The following CCDC91 variants were observed in gnomAD, a reference collection of about 807,000 sequenced individuals.
CCDC91 encodes the protein coiled-coil domain containing 91, also known as coiled-coil domain-containing protein 91.
A neutral mutation model predicts 63.2 loss-of-function variants in CCDC91; 48 were observed. The ratio of observed to expected loss-of-function variants is 0.76; its 90% CI spans 0.60 to 0.97. The LOEUF is 0.97. Ranked by LOEUF, CCDC91 falls within the 50% of genes least tolerant of loss-of-function variation. The probability of loss-of-function intolerance (pLI) is 0.00; values close to 1 mark genes in which losing one functional copy is unlikely to be tolerated. For missense variants in CCDC91, 500 were observed against 494.6 expected, an observed-to-expected ratio of 1.01 and a Z score of -0.10; for synonymous variants, 167 against 165.8, an observed-to-expected ratio of 1.01 and a Z score of -0.06.
Position 28,190,619 on chromosome 12 carries a change from C to T in CCDC91, c.-37C>T. 6.5e-6 allele frequency: 1 copy of T among 154,998 alleles called. No individual in the cohort carries two copies. The highest frequency in any genetic ancestry group is 1.4e-5 in the Non-Finnish European group (1 of 70,274). The allele number at this position is 154,998 out of a possible 1,614,324, so 9.6% of individuals were successfully genotyped here. On this transcript the variant is annotated 5_prime_UTR_variant, in exon 1 of 13. Transcript: ENST00000536442. ...TGGGTGAGCGGCGCAGCGGCGGCAG[C>T]GGAGAGCGAGAGAGGGGAGCAGGTA...
chr12:28,371,401 C>G (rs775953615), intron 7 of CCDC91, among the ~76,000 whole-genome samples: 4 of 152,128 alleles, frequency 2.6e-5, no homozygotes, highest in Non-Finnish European at 5.9e-5. Flanking sequence ...CAATTTCATC[C>G]TGAAACCATC....
intron 6 of CCDC91, among the ~76,000 whole-genome samples, chr12:28,321,960 A>G (rs534468639): frequency 1.5e-4 from 23 of 151,862 alleles, no homozygotes; most frequent in African/African-American, 5.3e-4. Context: ...ATATATCACT[A>G]TAGTGATATA....
intron 8 of CCDC91, among the ~76,000 whole-genome samples, chr12:28,412,106 A>G (rs1042953593): frequency 1.3e-5 from 2 of 152,224 alleles, no homozygotes; most frequent in Non-Finnish European, 2.9e-5. Context: ...ACATGTTTGT[A>G]GCCTAGGAGC....
At chr12:28,288,466 C>G (rs1949034023) in intron 3 of CCDC91, among the ~76,000 whole-genome samples, 1 of 150,076 alleles carries the variant, frequency 6.7e-6, no homozygotes, top group African/African-American at 2.4e-5. Context: ...TCATGTGTTT[C>G]TTGTCTTTAG....
intron 3 of CCDC91, among the ~76,000 whole-genome samples, chr12:28,277,604 T>C (rs1030192346): frequency 1.3e-5 from 2 of 152,024 alleles, no homozygotes; most frequent in African/African-American, 2.4e-5. Context: ...ATACTTCTGG[T>C]CTCAAGCATT....
At chr12:28,535,858 C>G (rs545320510) in intron 12 of CCDC91, among the ~76,000 whole-genome samples, 1 of 151,976 alleles carries the variant, frequency 6.6e-6, no homozygotes, top group African/African-American at 2.4e-5. Flanking sequence ...GAAACCCCGT[C>G]TCTACTAAAA....
chr12:28,291,708 A>G (rs1335731779), intron 3 of CCDC91, among the ~76,000 whole-genome samples: 1 of 152,224 alleles, frequency 6.6e-6, no homozygotes. Flanking sequence ...GTTGCATAGA[A>G]TAAGAGAAGA....
intron 12 of CCDC91, among the ~76,000 whole-genome samples, chr12:28,546,235 C>T (rs1260351684): frequency 6.6e-6 from 1 of 151,986 alleles, no homozygotes; most frequent in Non-Finnish European, 1.5e-5. Context: ...AAATAATATA[C>T]CGCTGAGTTC....
At chr12:28,219,339 C>T (rs1044968412) in intron 1 of CCDC91, among the ~76,000 whole-genome samples, 4 of 151,670 alleles carry the variant, frequency 2.6e-5, no homozygotes, top group African/African-American at 9.7e-5. Flanking sequence ...GGATATAAGA[C>T]CTTTTCAGAT....
chr12:28,273,302 G>A (rs529308649), intron 3 of CCDC91, among the ~76,000 whole-genome samples: 236 of 152,166 alleles, frequency 1.6e-3, no homozygotes, highest in African/African-American at 5.5e-3. Context: ...GTAAACATAC[G>A]TGTGCACATG....
chr12:28,221,468 T>C (rs1943944979), intron 1 of CCDC91, among the ~76,000 whole-genome samples: 1 of 152,220 alleles, frequency 6.6e-6, no homozygotes, highest in Non-Finnish European at 1.5e-5. Flanking sequence ...GCATTTTGAA[T>C]TGTTTTTTGT....
At chr12:28,263,225 A>C (rs868055149) in intron 3 of CCDC91, among the ~76,000 whole-genome samples, 1 of 151,984 alleles carries the variant, frequency 6.6e-6, no homozygotes, top group African/African-American at 2.4e-5. Context: ...AGCATATGCT[A>C]ATTTGTATTT....
chr12:28,376,151 C>T (rs1472750983), intron 7 of CCDC91, among the ~76,000 whole-genome samples: 1 of 151,768 alleles, frequency 6.6e-6, no homozygotes, highest in African/African-American at 2.4e-5. Context: ...TATTCTGCTA[C>T]CCCATGGGAA....
chr12:28,492,369 A>G (rs1365711487), intron 12 of CCDC91, among the ~76,000 whole-genome samples: 1 of 151,816 alleles, frequency 6.6e-6, no homozygotes, highest in Non-Finnish European at 1.5e-5. Flanking sequence ...TGAAATTTAT[A>G]AAGATTTTTT....
At chr12:28,536,829 C>T (rs1294872836) in intron 12 of CCDC91, among the ~76,000 whole-genome samples, 1 of 151,924 alleles carries the variant, frequency 6.6e-6, no homozygotes, top group African/African-American at 2.4e-5. Flanking sequence ...AATTTAAATA[C>T]CTTTTTGTTC....
At chr12:28,541,543 G>A (rs1942631897) in intron 12 of CCDC91, among the ~76,000 whole-genome samples, 1 of 152,028 alleles carries the variant, frequency 6.6e-6, no homozygotes, top group Non-Finnish European at 1.5e-5. Context: ...TGAAACAATA[G>A]GATTGCTAAA....
chr12:28,491,361 T>C (rs1185294022), intron 12 of CCDC91, among the ~76,000 whole-genome samples: 5 of 151,800 alleles, frequency 3.3e-5, no homozygotes, highest in Admixed American at 6.6e-5. Context: ...AAGCACCATG[T>C]CTTTTAAAGC....
chr12:28,334,691 G>C (rs897285875), intron 6 of CCDC91, among the ~76,000 whole-genome samples: 3 of 151,944 alleles, frequency 2.0e-5, no homozygotes, highest in African/African-American at 7.3e-5. Flanking sequence ...TGGTTTTTTG[G>C]ATTTCTGGGT....
chr12:28,469,051 A>C (rs776909615), intron 11 of CCDC91, among the ~76,000 whole-genome samples: 3 of 152,038 alleles, frequency 2.0e-5, no homozygotes, highest in Non-Finnish European at 2.9e-5. Context: ...CACTGTCATC[A>C]CTCTTATTCA....
Sources: gnomAD v4.1 joint callset for allele counts (sites outside exome capture counted in the v4.1 genomes callset) on GRCh38, gnomAD v4.1.1 for gene constraint, MANE v1.5 for transcripts, NCBI Gene and HGNC (gene_info 2026-07-23, HGNC 2026-07-21) for gene names.